HDAC4: variants seen among roughly 807,000 people sequenced by gnomAD.
HDAC4 encodes histone deacetylase A.
In HDAC4, 16 loss-of-function variants were observed where a neutral mutation model predicts 135.1. The observed-to-expected ratio is 0.12, with a 90% CI of 0.08 to 0.18. The LOEUF (loss-of-function observed/expected upper bound fraction) is 0.18, where lower values mean the gene tolerates loss of function less well. HDAC4 is among the 10% of genes least tolerant of loss of function. The pLI is 1.00. For missense variants in HDAC4, 1,143 were observed against 1,511.8 expected, an observed-to-expected ratio of 0.76 and a Z score of 4.05; for synonymous variants, 685 against 653.4, an observed-to-expected ratio of 1.05 and a Z score of -0.74.
intron 25 of HDAC4, 29 bp from the exon 26 acceptor site, chr2:239,053,630 C>G (rs770450763): frequency 6.2e-7 from 1 of 1,608,894 alleles, no homozygotes; most frequent in South Asian, 1.1e-5. Flanking sequence ...GAAAGTCGCT[C>G]AGTGACTACA....
At chr2:239,274,382 C>T (rs895301213) in intron 2 of HDAC4, among the ~76,000 whole-genome samples, 15 of 152,062 alleles carry the variant, frequency 9.9e-5, no homozygotes, top group Non-Finnish European at 2.1e-4. Flanking sequence ...CATTACCAAA[C>T]GACAGGACAA....
At chr2:239,326,981 T>A (rs1164846364) in intron 2 of HDAC4, among the ~76,000 whole-genome samples, 1 of 152,106 alleles carries the variant, frequency 6.6e-6, no homozygotes, top group Non-Finnish European at 1.5e-5. Flanking sequence ...AGGCCATGAG[T>A]GCAGGCATGA....
chr2:239,104,481 CG>C (rs2037944870), intron 15 of HDAC4, among the ~76,000 whole-genome samples: 1 of 152,212 alleles, frequency 6.6e-6, no homozygotes, highest in South Asian at 2.1e-4. Flanking sequence ...CCACCCGCCA[CG>C]GCCTCCCAAA....
chr2:239,214,894 G>A (rs893997016), intron 3 of HDAC4, among the ~76,000 whole-genome samples: 1 of 152,200 alleles, frequency 6.6e-6, no homozygotes. Context: ...TCCTGAGCCC[G>A]GAGGTTGCCC....
intron 2 of HDAC4, among the ~76,000 whole-genome samples, chr2:239,338,245 G>C (rs1692075905): frequency 2.0e-5 from 3 of 152,286 alleles, no homozygotes; most frequent in South Asian, 2.1e-4. Flanking sequence ...GCGACTCAAA[G>C]CCAGTGCAGT....
intron 1 of HDAC4, among the ~76,000 whole-genome samples, chr2:239,384,877 G>C (rs1189658467): frequency 6.6e-6 from 1 of 152,172 alleles, no homozygotes; most frequent in African/African-American, 2.4e-5. Flanking sequence ...CCAAGCACCA[G>C]GAAGATGAGA....
At chr2:239,208,062 C>A (rs1227309498) in intron 3 of HDAC4, among the ~76,000 whole-genome samples, 1 of 151,928 alleles carries the variant, frequency 6.6e-6, no homozygotes, top group Non-Finnish European at 1.5e-5. Flanking sequence ...GTGGCTCACG[C>A]CTGTAATCCC....
rs2051110612 is a variant in HDAC4, at chr2:239,285,902, T to C, written c.23-49238A>G. 1.3e-5 allele frequency among the ~76,000 whole-genome samples: 2 copies of C among 151,984 alleles called. No individual in the cohort carries two copies. Among genetic ancestry groups the C allele is most frequent in the African/African-American group, 4.8e-5 (2 of 41,378 alleles). ...CCAGGAAATGCACGTGGCATGCCTA[T>C]CAGAAGAACGGCCTCCTCACTCCCA... On this transcript the variant is annotated intron_variant, in intron 2 of 26. Coordinates refer to ENST00000543185, the MANE Select transcript of HDAC4 (RefSeq NM_001378414.1). The surrounding 1 kb of genome is among the most constrained non-coding windows in gnomAD (Gnocchi z 4.5).
chr2:239,061,387 G>C (rs928721545), intron 24 of HDAC4, among the ~76,000 whole-genome samples: 1 of 151,256 alleles, frequency 6.6e-6, no homozygotes, highest in African/African-American at 2.4e-5. Context: ...GGGTGTGCGT[G>C]TGTGTGGTGT....
At chr2:239,176,916 A>G (rs1320709642) in intron 4 of HDAC4, among the ~76,000 whole-genome samples, 2 of 152,158 alleles carry the variant, frequency 1.3e-5, no homozygotes, top group Admixed American at 1.3e-4. Context: ...ACTTCAGAAA[A>G]CTGCTGGGCA....
At chr2:239,330,886 CAA>C (rs1691524985) in intron 2 of HDAC4, among the ~76,000 whole-genome samples, 2 of 152,210 alleles carry the variant, frequency 1.3e-5, no homozygotes, top group African/African-American at 2.4e-5. Flanking sequence ...TTTAATGTGG[CAA>C]AAGAGATCTC....
chr2:239,058,899 C>T (rs1191539739), intron 24 of HDAC4, among the ~76,000 whole-genome samples: 4 of 152,162 alleles, frequency 2.6e-5, no homozygotes, highest in Non-Finnish European at 4.4e-5. Context: ...GGGAAACAGA[C>T]GGAGAGGACA....
Position 239,052,958 on chromosome 2 carries a change from C to A in HDAC4, c.*139G>T. On this transcript the variant is annotated 3_prime_UTR_variant, in exon 27 of 27. Coordinates refer to ENST00000543185, the MANE Select transcript of HDAC4 (RefSeq NM_001378414.1). The stretch of plus-strand genomic sequence containing the variant: ...GGGCCTGGGCGGCAGAAAGGCTTCC[C>A]GTGGCTGTTGCACGCTGGGTGTCCC... 1.0e-6 allele frequency: 1 copy of A among 992,350 alleles called. No homozygotes were observed. 61.5% of individuals were successfully genotyped at this position (992,350 alleles called of 1,614,324 possible).
chr2:239,092,694 C>A (rs6743929), intron 17 of HDAC4, among the ~76,000 whole-genome samples: 30,661 of 152,100 alleles, frequency 0.2, 3,252 homozygotes, highest in South Asian at 0.24. Flanking sequence ...AGGACCACGG[C>A]TCCAGCTCCC....
chr2:239,291,820 G>A (rs2051517232), intron 2 of HDAC4, among the ~76,000 whole-genome samples: 1 of 152,164 alleles, frequency 6.6e-6, no homozygotes, highest in South Asian at 2.1e-4. Flanking sequence ...CTAGAAAAGG[G>A]GCCTAAGCTC....
intron 2 of HDAC4, among the ~76,000 whole-genome samples, chr2:239,259,082 G>A (rs528838289): frequency 3.3e-5 from 5 of 152,300 alleles, no homozygotes; most frequent in South Asian, 2.1e-4. Context: ...CTTTGACAGC[G>A]TATCACCCCA....
At chr2:239,087,640 A>C in intron 18 of HDAC4, 26 bp from the exon 19 acceptor site, 1 of 1,611,288 alleles carries the variant, frequency 6.2e-7, no homozygotes, top group Non-Finnish European at 8.5e-7. Flanking sequence ...GACAGCCAGG[A>C]GAGAGCAACA....
intron 8 of HDAC4, 77 bp downstream of exon 8, chr2:239,144,505 TC>T: frequency 6.3e-7 from 1 of 1,588,792 alleles, no homozygotes; most frequent in South Asian, 1.1e-5. Flanking sequence ...TTTCAGAAGC[TC>T]CTGAGAGAAA....
intron 2 of HDAC4, among the ~76,000 whole-genome samples, chr2:239,291,539 G>T (rs1449120982): frequency 1.3e-5 from 2 of 152,222 alleles, no homozygotes; most frequent in Non-Finnish European, 2.9e-5. Flanking sequence ...CGCCCCTCTG[G>T]AACTTTGGTT....
Sources: gnomAD v4.1 joint callset for allele counts (sites outside exome capture counted in the v4.1 genomes callset) on GRCh38, gnomAD v4.1.1 for gene constraint, Gnocchi (gnomAD v3.1) non-coding constraint, MANE v1.5 for transcripts, NCBI Gene and HGNC (gene_info 2026-07-23, HGNC 2026-07-21) for gene names.